ENAH: variants seen among roughly 807,000 people sequenced by gnomAD.
ENAH encodes the protein protein enabled homolog.
ENAH carries 23 observed loss-of-function variants against 78.7 expected under a neutral mutation model. The ratio of observed to expected loss-of-function variants is 0.29; its 90% CI spans 0.21 to 0.41. ENAH has a LOEUF of 0.41. Ranked by LOEUF, ENAH falls within the 10% of genes least tolerant of loss-of-function variation. The pLI is 1.00. For synonymous variants in ENAH, 226 were observed against 241.0 expected (o/e 0.94, Z 0.58); for missense variants, 544 against 691.0 (o/e 0.79, Z 2.39).
chr1:225,521,834 C>T (rs538613553), intron 4 of ENAH, among the ~76,000 whole-genome samples: 16 of 151,928 alleles, frequency 1.1e-4, no homozygotes, highest in Middle Eastern at 3.4e-3. Context: ...CTTGCTCTGT[C>T]GCCCAGGCTG....
intron 1 of ENAH, among the ~76,000 whole-genome samples, chr1:225,624,717 C>T (rs1419923217): frequency 6.6e-6 from 1 of 152,110 alleles, no homozygotes; most frequent in Non-Finnish European, 1.5e-5. Flanking sequence ...GTAATCTTAG[C>T]TACAACCTGT....
At chr1:225,530,351 CAT>C (rs1450065203) in intron 4 of ENAH, among the ~76,000 whole-genome samples, 1 of 151,988 alleles carries the variant, frequency 6.6e-6, no homozygotes, top group Non-Finnish European at 1.5e-5. Context: ...AAAAAAAACA[CAT>C]ATGAAATTTT....
rs1437465397 is a variant in ENAH, at chr1:225,497,514, A to C, written c.*261T>G. On this transcript the variant is annotated 3_prime_UTR_variant, in exon 14 of 14. Transcript: ENST00000366843. ...GATGGGTTTTAGTATTTTCTGCATA[A>C]CTGTTACAGGAACTCTTAAATGATT... 3.3e-6 allele frequency: 1 copy of C among 299,794 alleles called. No individual in the cohort carries two copies. Among genetic ancestry groups the C allele is most frequent in the Non-Finnish European group, 6.2e-6 (1 of 161,278 alleles). The allele number at this position is 299,794 out of a possible 1,614,324, so 18.6% of individuals were successfully genotyped here.
chr1:225,503,681 C>T (rs201333817), intron 11 of ENAH, among the ~76,000 whole-genome samples: 2 of 53,608 alleles, frequency 3.7e-5, no homozygotes, highest in Non-Finnish European at 8.1e-5. Context: ...AAAAAAAACA[C>T]AAAACTATTT....
At chr1:225,597,602 T>TG (rs1575661362) in intron 1 of ENAH, among the ~76,000 whole-genome samples, 1 of 149,280 alleles carries the variant, frequency 6.7e-6, no homozygotes, top group East Asian at 2.0e-4. Context: ...AGGCTGCAGT[T>TG]AGCCATGACT....
intron 1 of ENAH, among the ~76,000 whole-genome samples, chr1:225,577,727 A>G (rs2096795122): frequency 6.6e-6 from 1 of 152,242 alleles, no homozygotes; most frequent in Non-Finnish European, 1.5e-5. Flanking sequence ...GCATGATTTA[A>G]AAGAAAACAT....
intron 2 of ENAH, among the ~76,000 whole-genome samples, chr1:225,562,333 G>C (rs1017628398): frequency 1.3e-5 from 2 of 151,912 alleles, no homozygotes; most frequent in African/African-American, 4.8e-5. Context: ...AGCACTTTGG[G>C]AGGCTGAGGC....
At chr1:225,622,461 A>T (rs1432396593) in intron 1 of ENAH, among the ~76,000 whole-genome samples, 1 of 152,162 alleles carries the variant, frequency 6.6e-6, no homozygotes, top group Non-Finnish European at 1.5e-5. Flanking sequence ...TATTGTATTA[A>T]ATATTTGATA....
intron 1 of ENAH, among the ~76,000 whole-genome samples, chr1:225,650,910 A>G (rs1312094542): frequency 2.7e-5 from 4 of 150,614 alleles, no homozygotes; most frequent in Non-Finnish European, 5.9e-5. Flanking sequence ...CAATGTTAAG[A>G]TAAGTTTACC....
chr1:225,539,345 T>C (rs2096577963), intron 3 of ENAH, among the ~76,000 whole-genome samples: 2 of 152,136 alleles, frequency 1.3e-5, no homozygotes, highest in African/African-American at 2.4e-5. Flanking sequence ...AGCACTTCCA[T>C]TCATTAATTT....
At chr1:225,593,549 T>C (rs2096888574) in intron 1 of ENAH, among the ~76,000 whole-genome samples, 1 of 152,094 alleles carries the variant, frequency 6.6e-6, no homozygotes, top group Non-Finnish European at 1.5e-5. Context: ...GAATGCAGTG[T>C]CACGCAGTTG....
rs199844001 is a variant in ENAH, at chr1:225,635,354, GTTTAA to G, written c.5+17327_5+17331del. Among the ~76,000 whole-genome samples, 1,009 of 152,276 alleles carry G rather than the reference GTTTAA, an allele frequency of 6.6e-3. 15 individuals carry two copies. The highest frequency in any genetic ancestry group is 0.023 in the African/African-American group (951 of 41,564). The stretch of plus-strand genomic sequence containing the variant: ...AGCCACCACACCTAGCCTGAAACTG[GTTTAA>G]TTTTTTTCAGTTGTTTATCGTAGGT... On this transcript the variant is annotated intron_variant, in intron 1 of 13. Coordinates refer to ENST00000366843, the MANE Select transcript of ENAH (RefSeq NM_018212.6).
rs1426948155 is a variant in ENAH, at chr1:225,490,240, G to C, written c.*7535C>G. The C allele has an allele frequency of 6.6e-6, 1 of 152,174 alleles. No homozygotes were observed. Among genetic ancestry groups the C allele is most frequent in the Non-Finnish European group, 1.5e-5 (1 of 68,040 alleles). 9.4% of individuals were successfully genotyped at this position (152,174 alleles called of 1,614,324 possible). On this transcript the variant is annotated 3_prime_UTR_variant, in exon 14 of 14. Transcript: ENST00000366843. ...AGTCCAACAAGGTGGCAAAGACATGGACTCAATAACAATTTTTACCATGTT... is the reference window on the plus strand; with the variant it reads ...AGTCCAACAAGGTGGCAAAGACATGCACTCAATAACAATTTTTACCATGTT...
intron 1 of ENAH, among the ~76,000 whole-genome samples, chr1:225,582,692 G>T (rs2096824996): frequency 6.6e-6 from 1 of 152,216 alleles, no homozygotes; most frequent in Non-Finnish European, 1.5e-5. Flanking sequence ...ATCTACTCAT[G>T]TGTAGGGCAG....
intron 2 of ENAH, among the ~76,000 whole-genome samples, 181 bp from the exon 3 acceptor site, chr1:225,555,264 G>A (rs1458607709): frequency 6.6e-6 from 1 of 152,072 alleles, no homozygotes; most frequent in African/African-American, 2.4e-5. Context: ...TAAGCTTTTC[G>A]CTGATTACAA....
At chr1:225,629,138 C>A (rs1295220845) in intron 1 of ENAH, among the ~76,000 whole-genome samples, 1 of 150,942 alleles carries the variant, frequency 6.6e-6, no homozygotes, top group African/African-American at 2.4e-5. Context: ...ATTAGATGGG[C>A]GTGGTGGACA....
Position 225,534,793 on chromosome 1 carries a change from A to C in ENAH, c.350-4155T>G, listed in dbSNP as rs76482106. 1.3e-4 allele frequency among the ~76,000 whole-genome samples: 20 copies of C among 152,282 alleles called. 1 individual carries two copies. In the East Asian group the frequency reaches 3.5e-3, roughly 26 times the overall value. The stretch of plus-strand genomic sequence containing the variant: ...AAATGGAAATAAAAAGAATTTAGAC[A>C]AGGATATGTATCTATCTGTGTTTAT... On this transcript the variant is annotated intron_variant, in intron 3 of 13. Coordinates refer to ENST00000366843, the MANE Select transcript of ENAH (RefSeq NM_018212.6).
chr1:225,649,425 A>T (rs1176055156), intron 1 of ENAH, among the ~76,000 whole-genome samples: 2 of 152,170 alleles, frequency 1.3e-5, no homozygotes, highest in African/African-American at 4.8e-5. Flanking sequence ...TTAAGTAACA[A>T]ACCAACTAAT....
chr1:225,643,225 T>C (rs16845131), intron 1 of ENAH, among the ~76,000 whole-genome samples: 1,800 of 152,244 alleles, frequency 0.012, 32 homozygotes, highest in African/African-American at 0.041. Flanking sequence ...TTAAGAGTAT[T>C]CTGAGTGATG....
Sources: allele counts gnomAD v4.1 joint callset (sites outside exome capture counted in the v4.1 genomes callset), GRCh38; gene constraint gnomAD v4.1.1; transcripts MANE v1.5; gene names NCBI Gene and HGNC (gene_info 2026-07-23, HGNC 2026-07-21).